BCAR1: variants seen among roughly 807,000 people sequenced by gnomAD.
BCAR1 encodes BCAR1 scaffold protein, Cas family member.
A neutral mutation model predicts 67.6 loss-of-function variants in BCAR1; 30 were observed. The observed-to-expected ratio is 0.44, with a 90% CI of 0.33 to 0.60. The LOEUF (loss-of-function observed/expected upper bound fraction) is 0.60, where lower values mean the gene tolerates loss of function less well. Among genes scored for constraint, BCAR1 ranks in the 20% least tolerant of loss-of-function variants. The pLI, the probability that BCAR1 is intolerant of heterozygous loss-of-function variation, is 0.02. For missense variants in BCAR1, 1,313 were observed against 1,222.3 expected (o/e 1.07, Z -1.11); for synonymous variants, 626 against 556.7 (o/e 1.12, Z -1.75).
chr16:75,236,739 A>T (rs2077151691), intron 4 of BCAR1, 143 bp downstream of exon 4: 2 of 1,357,770 alleles, frequency 1.5e-6, no homozygotes, highest in Admixed American at 6.2e-5. Flanking sequence ...CTCATCTGTC[A>T]ACCATCCAGA....
In BCAR1 at chr16:75,235,760, C is replaced by T. The variant is rs199514074; in HGVS notation, c.1139G>A (p.Arg380Gln). The change falls in exon 5 of 7, where the codon CGG becomes CAG. Residue 380 changes from arginine to glutamine, a missense_variant. Physicochemically the swap from Arg to Gln is conservative, Grantham distance 43. This residue lies in a region of BCAR1 where 1,272 missense variants were observed against 1,137.5 expected (regional missense o/e 1.12). Coordinates refer to ENST00000162330, the MANE Select transcript of BCAR1 (RefSeq NM_014567.5). ...DLYDVPPGLR[R>Q]PGPGTLYDVP... ...ATCGTACAGGGTGCCCGGGCCAGGCCGCCGCAAGCCAGGGGGCACGTCGTA... is the reference window on the plus strand; with the variant it reads ...ATCGTACAGGGTGCCCGGGCCAGGCTGCCGCAAGCCAGGGGGCACGTCGTA... 74 of 1,592,462 alleles carry T rather than the reference C, an allele frequency of 4.6e-5. No homozygotes were observed. The highest frequency in any genetic ancestry group is 4.0e-4 in the East Asian group (18 of 44,608).
At position 75,235,051 on chromosome 16, in the gene BCAR1, C is replaced by A. The variant is rs770252990; in HGVS notation, c.1848G>T (p.Glu616Asp). 5.6e-6 allele frequency: 9 copies of A among 1,613,130 alleles called. No individual in the cohort carries two copies. The highest frequency in any genetic ancestry group is 5.9e-6 in the Non-Finnish European group (7 of 1,180,028). The stretch of plus-strand genomic sequence containing the variant: ...GGTTGGGGTGCAGGGTGCCACCCCC[C>A]TCAGGCCCCGGGGCAGTGGCCTTGG... ...RRTKATAPGP[E>D]GGGTLHPNPT... Residue 616 changes from glutamate (E) to aspartate (D), a missense_variant, in exon 5 of 7, where the codon GAG becomes GAT. By Grantham distance (45) the Glu-to-Asp change is conservative. Transcript: ENST00000162330.
At chr16:75,261,482 C>T (rs932662241) in intron 1 of BCAR1, among the ~76,000 whole-genome samples, 55 of 152,380 alleles carry the variant, frequency 3.6e-4, no homozygotes, top group Admixed American at 5.9e-4. Flanking sequence ...CGTGCTGGCC[C>T]GACTGCTGCA....
At chr16:75,255,156 A>G (rs2077747420), upstream of BCAR1, among the ~76,000 whole-genome samples, 1 of 152,260 alleles carries the variant, frequency 6.6e-6, no homozygotes, top group Admixed American at 6.5e-5. Context: ...ATAATGCAAG[A>G]AAATGCTTAC....
chr16:75,251,416 A>G, intron 1 of BCAR1, 55 bp downstream of exon 1: 1 of 1,475,794 alleles, frequency 6.8e-7, no homozygotes, highest in South Asian at 1.3e-5. Context: ...AACCCCTTCC[A>G]GCCCGCTGCC....
intron 6 of BCAR1, among the ~76,000 whole-genome samples, chr16:75,230,620 G>A (rs1310759083): frequency 1.3e-5 from 2 of 152,010 alleles, no homozygotes; most frequent in South Asian, 2.1e-4. Context: ...TTCCACTCCC[G>A]TGCCTAGGAG....
Position 75,250,878 on chromosome 16 carries a change from C to A in BCAR1, c.12+593G>T, listed in dbSNP as rs1449047724. 4.1e-6 allele frequency: 4 copies of A among 985,526 alleles called. No homozygotes were observed. In the East Asian group the frequency reaches 3.4e-4, roughly 84 times the overall value. The allele number at this position is 985,526 out of a possible 1,614,324, so 61.0% of individuals were successfully genotyped here. A position where few individuals can be genotyped will look rare whatever the true frequency, so the allele number is the denominator to read the frequency against. ...GCGCTCGGCGTGCGGGGCTGCAAAG[C>A]CCGCGGCGCGCCCGCCCCCACTCCC... On this transcript the variant is annotated intron_variant, in intron 1 of 6. Transcript: ENST00000162330.
At chr16:75,230,116 A>T in intron 6 of BCAR1, 93 bp from the exon 7 acceptor site, 2 of 1,444,816 alleles carry the variant, frequency 1.4e-6, no homozygotes, top group Middle Eastern at 2.0e-4. Flanking sequence ...GGCTTCTCTA[A>T]AAGGGCCGCT....
At chr16:75,242,359 C>A in intron 2 of BCAR1, 111 bp downstream of exon 2, 1 of 1,309,148 alleles carries the variant, frequency 7.6e-7, no homozygotes, top group Non-Finnish European at 9.7e-7. Context: ...ACCAAACACA[C>A]AGCCACTCCT....
At chr16:75,267,411 G>C (rs1190720170) in intron 1 of BCAR1, among the ~76,000 whole-genome samples, 3 of 147,120 alleles carry the variant, frequency 2.0e-5, no homozygotes, top group African/African-American at 8.0e-5. Context: ...GGGGTGGGGG[G>C]CCTGGACCGA....
chr16:75,239,131 G>A (rs1456610522), intron 2 of BCAR1: 6 of 982,674 alleles, frequency 6.1e-6, no homozygotes, highest in Admixed American at 1.2e-4. Context: ...ACAGAGCAAC[G>A]CAGCCACCAG....
intron 2 of BCAR1, chr16:75,238,596 C>A: frequency 1.0e-6 from 1 of 989,016 alleles, no homozygotes; most frequent in Non-Finnish European, 1.2e-6. Flanking sequence ...CTGGCAGAGC[C>A]CCCCGCAGCG....
chr16:75,248,061 TTAC>T (rs751158058), intron 1 of BCAR1: 6 of 1,550,474 alleles, frequency 3.9e-6, no homozygotes, highest in Non-Finnish European at 5.3e-6. Context: ...TACCTCCATC[TTAC>T]TAGACAGGAA....
In BCAR1 at chr16:75,229,672, G is replaced by C. The variant is rs528157015; in HGVS notation, c.2452C>G (p.Leu818Val). 3 of 1,612,888 alleles carry C rather than the reference G, an allele frequency of 1.9e-6. No homozygotes were observed. In the African/African-American group the frequency reaches 4.0e-5, roughly 21 times the overall value. Residue 818 changes from leucine (L) to valine (V), a missense_variant, in exon 7 of 7, where the codon CTG (leucine) becomes GTG (valine). Around this residue, in one of 2 missense-constraint regions of BCAR1, gnomAD observed 1,272 missense variants for 1,137.5 expected, o/e 1.12. Coordinates refer to ENST00000162330, the MANE Select transcript of BCAR1 (RefSeq NM_014567.5). ...VRSQVTHYSN[L>V]LCDLLRGIVA... is the part of the protein sequence containing the mutation. ...ATGCCGCGCAGGAGGTCGCACAGCA[G>C]GTTGCTGTAGTGGGTCACCTGGCTG...
At chr16:75,234,817 A>T (rs2077041951) in intron 5 of BCAR1, 72 bp downstream of exon 5, 4 of 1,504,598 alleles carry the variant, frequency 2.7e-6, no homozygotes, top group Non-Finnish European at 3.5e-6. Context: ...CCCAGCTGAG[A>T]ACAAATCTCC....
chr16:75,250,613 C>G, intron 1 of BCAR1: 1 of 984,010 alleles, frequency 1.0e-6, no homozygotes, highest in Non-Finnish European at 1.2e-6. Flanking sequence ...TCTTCCAGGC[C>G]GTAAGCCCCT....
intron 6 of BCAR1, among the ~76,000 whole-genome samples, chr16:75,231,220 G>A (rs901482526): frequency 6.6e-6 from 1 of 151,670 alleles, no homozygotes; most frequent in Middle Eastern, 3.4e-3. Flanking sequence ...CTTCAGCTGG[G>A]ATTACAGGCC....
Position 75,235,154 on chromosome 16 carries a change from C to T in BCAR1, c.1745G>A (p.Cys582Tyr), listed in dbSNP as rs1048420672. 2.1e-5 allele frequency: 34 copies of T among 1,608,670 alleles called. No individual in the cohort carries two copies. The highest frequency in any genetic ancestry group is 2.7e-5 in the Non-Finnish European group (32 of 1,179,894). Reference protein sequence around the residue: ...TLEDLDRLVACSRAVPEDAKQ... With the variant: ...TLEDLDRLVAYSRAVPEDAKQ... The stretch of plus-strand genomic sequence containing the variant: ...GGCGTCCTCGGGCACAGCCCGCGAG[C>T]AGGCCACCAGCCGGTCCAGGTCCTC... Residue 582 changes from cysteine (C) to tyrosine (Y), a missense_variant, in exon 5 of 7, where the codon TGC (cysteine) becomes TAC (tyrosine). By Grantham distance (194) the Cys-to-Tyr change is radical (BLOSUM62 -2). This residue lies in a region of BCAR1 where 1,272 missense variants were observed against 1,137.5 expected (regional missense o/e 1.12). Coordinates refer to ENST00000162330, the MANE Select transcript of BCAR1 (RefSeq NM_014567.5).
intron 1 of BCAR1, chr16:75,265,905 C>T: frequency 8.9e-7 from 1 of 1,121,420 alleles, no homozygotes; most frequent in African/African-American, 1.6e-5. Context: ...TCCGCCCGCG[C>T]CGCTCAGAGG....
Sources: gnomAD v4.1 joint callset for allele counts (sites outside exome capture counted in the v4.1 genomes callset) on GRCh38, gnomAD v4.1.1 for gene constraint, gnomAD v4.1.1 regional missense constraint, MANE v1.5 for transcripts, NCBI Gene and HGNC (gene_info 2026-07-23, HGNC 2026-07-21) for gene names.